Variants in PIK3CB observed in about 807,000 individuals in gnomAD.
The protein encoded by PIK3CB is phosphatidylinositol-4,5-bisphosphate 3-kinase catalytic subunit beta.
PIK3CB carries 39 observed loss-of-function variants against 136.8 expected under a neutral mutation model. That is an observed-to-expected ratio of 0.29 (90% CI 0.22 to 0.37). PIK3CB has a LOEUF of 0.37. Ranked by LOEUF, PIK3CB falls within the 10% of genes least tolerant of loss-of-function variation. PIK3CB has a pLI of 1.00. For synonymous variants in PIK3CB, 428 were observed against 436.6 expected (o/e 0.98, Z 0.25); for missense variants, 868 against 1,275.4 (o/e 0.68, Z 4.87).
chr3:138,768,763 C>T (rs1297630897), intron 2 of PIK3CB, among the ~76,000 whole-genome samples: 1 of 152,208 alleles, frequency 6.6e-6, no homozygotes, highest in African/African-American at 2.4e-5. Context: ...GCTGGCGTGT[C>T]AGCACTACCC....
At position 138,734,618 on chromosome 3, in the gene PIK3CB, C is replaced by A. The variant is rs2108643970; in HGVS notation, c.972+16G>T. 1.3e-6 allele frequency: 2 copies of A among 1,583,580 alleles called. No homozygotes were observed. The highest frequency in any genetic ancestry group is 2.3e-5 in the South Asian group (2 of 88,350). On this transcript the variant is annotated intron_variant, in intron 7 of 23. Coordinates refer to ENST00000674063, the MANE Select transcript of PIK3CB (RefSeq NM_006219.3). The stretch of plus-strand genomic sequence containing the variant: ...ATGGCTTTTGGGGTTACTAAAGGTT[C>A]AGAAATAAAACTTACAGAAATAATT...
intron 8 of PIK3CB, among the ~76,000 whole-genome samples, chr3:138,717,310 G>T (rs1273332484): frequency 4.0e-5 from 6 of 151,216 alleles, no homozygotes; most frequent in African/African-American, 1.5e-4. Context: ...ATTGGTGATT[G>T]TTGTCTCCTC....
At position 138,714,691 on chromosome 3, in the gene PIK3CB, C is replaced by A. The variant is rs2108584500; in HGVS notation, c.1079G>T (p.Gly360Val). 1 of 1,610,582 alleles carries A rather than the reference C, an allele frequency of 6.2e-7. No individual in the cohort carries two copies. The highest frequency in any genetic ancestry group is 8.5e-7 in the Non-Finnish European group (1 of 1,178,612). ...KVHVRAGLFH[G>V]TELLCKTIVS... ...GATGGTTTTACACAGGAGCTCAGTA[C>A]CATGAAAAAGACCAGCCCTGACATG... The change falls in exon 9 of 24, where the codon GGT becomes GTT. Residue 360 changes from glycine (G) to valine (V), a missense_variant. Physicochemically the swap from Gly to Val is moderately radical, Grantham distance 109. Coordinates refer to ENST00000674063, the MANE Select transcript of PIK3CB (RefSeq NM_006219.3).
rs1030274046 is a variant in PIK3CB at position 138,654,871 on chromosome 3, G to T, written c.*518C>A. The T allele has an allele frequency of 9.6e-6, 2 of 209,336 alleles. No individual in the cohort carries two copies. The highest frequency in any genetic ancestry group is 9.7e-6 in the Non-Finnish European group (1 of 103,008). 13.0% of individuals were successfully genotyped at this position (209,336 alleles called of 1,614,324 possible). On this transcript the variant is annotated 3_prime_UTR_variant, in exon 24 of 24. Coordinates refer to ENST00000674063, the MANE Select transcript of PIK3CB (RefSeq NM_006219.3). ...TTAATGAGTATCCACAGGTTTACAA[G>T]ATTTCTTCTGGAAAATAATCATAAA...
chr3:138,693,503 A>G (rs1007241679), intron 14 of PIK3CB, among the ~76,000 whole-genome samples: 96 of 151,946 alleles, frequency 6.3e-4, no homozygotes, highest in African/African-American at 2.1e-3. Context: ...GGTTCAAGTG[A>G]TTCTTCTGCC....
At position 138,655,343 on chromosome 3, in the gene PIK3CB, A is replaced by C; in HGVS notation, c.*46T>G. 5 of 1,597,592 alleles carry C rather than the reference A, an allele frequency of 3.1e-6. No homozygotes were observed. The highest frequency in any genetic ancestry group is 4.3e-6 in the Non-Finnish European group (5 of 1,167,536). On this transcript the variant is annotated 3_prime_UTR_variant, in exon 24 of 24. Transcript: ENST00000674063. ...TTCAATTTAGTGCAAGTGCAAAATG[A>C]AAATGAAATGAAACCAACAAATACA...
At chr3:138,709,049 T>C (rs1166659643) in intron 10 of PIK3CB, among the ~76,000 whole-genome samples, 2 of 151,866 alleles carry the variant, frequency 1.3e-5, no homozygotes, top group Non-Finnish European at 1.5e-5. Flanking sequence ...TCCCAAAGCA[T>C]TGGGATTATA....
At chr3:138,781,303 A>AC (rs2045920777) in intron 2 of PIK3CB, among the ~76,000 whole-genome samples, 1 of 151,744 alleles carries the variant, frequency 6.6e-6, no homozygotes, top group Non-Finnish European at 1.5e-5. Flanking sequence ...AAAAAAAAAA[A>AC]AACAACAAAA....
intron 5 of PIK3CB, 75 bp from the exon 6 acceptor site, chr3:138,737,961 T>G: frequency 2.4e-6 from 2 of 835,546 alleles, no homozygotes; most frequent in South Asian, 4.0e-5. Context: ...ACAATCATTA[T>G]GTAATAATAT....
chr3:138,716,155 T>C (rs147685360), intron 8 of PIK3CB, among the ~76,000 whole-genome samples: 1 of 152,280 alleles, frequency 6.6e-6, no homozygotes, highest in Non-Finnish European at 1.5e-5. Flanking sequence ...TTACAAAGGA[T>C]ACTAAAAGTA....
chr3:138,664,934 C>G, intron 20 of PIK3CB, 102 bp downstream of exon 20: 2 of 671,508 alleles, frequency 3.0e-6, no homozygotes, highest in Non-Finnish European at 4.7e-6. Flanking sequence ...AGATAAAAAA[C>G]ACTAATATTT....
chr3:138,733,080 T>A (rs1018640558), intron 8 of PIK3CB, among the ~76,000 whole-genome samples: 1 of 150,654 alleles, frequency 6.6e-6, no homozygotes, highest in Non-Finnish European at 1.5e-5. Context: ...ATATATTTCT[T>A]CTATATAATA....
intron 8 of PIK3CB, among the ~76,000 whole-genome samples, chr3:138,718,620 G>A (rs1198587087): frequency 2.6e-5 from 4 of 152,258 alleles, no homozygotes; most frequent in Non-Finnish European, 4.4e-5. Context: ...TATTGCCTAG[G>A]TTGTCTTCCA....
chr3:138,681,652 G>C (rs2043784821), intron 19 of PIK3CB, among the ~76,000 whole-genome samples: 1 of 152,104 alleles, frequency 6.6e-6, no homozygotes, highest in African/African-American at 2.4e-5. Flanking sequence ...GACTTTCTCT[G>C]GCCTTGTCAT....
chr3:138,766,162 T>G (rs936308838), intron 2 of PIK3CB, among the ~76,000 whole-genome samples: 36 of 152,302 alleles, frequency 2.4e-4, no homozygotes, highest in African/African-American at 8.4e-4. Context: ...ATGTTATAGG[T>G]GTTTCTGAAA....
At chr3:138,825,896 G>T in intron 1 of PIK3CB, 1 of 1,561,390 alleles carries the variant, frequency 6.4e-7, no homozygotes, top group Non-Finnish European at 8.7e-7. Context: ...GTCTGTCAAA[G>T]ATGTTCATCA....
At chr3:138,655,631 C>T in intron 23 of PIK3CB, 105 bp from the exon 24 acceptor site, 1 of 804,784 alleles carries the variant, frequency 1.2e-6, no homozygotes, top group South Asian at 1.5e-5. Flanking sequence ...CAGCCACCAT[C>T]AGGCAGCATG....
At chr3:138,831,801 T>G (rs934345822) in intron 1 of PIK3CB, among the ~76,000 whole-genome samples, 2 of 152,084 alleles carry the variant, frequency 1.3e-5, no homozygotes, top group African/African-American at 4.8e-5. Context: ...GGTGTGCACC[T>G]GTAGTCCCAA....
intron 4 of PIK3CB, among the ~76,000 whole-genome samples, chr3:138,749,357 C>T (rs186955995): frequency 6.0e-4 from 92 of 152,296 alleles, no homozygotes; most frequent in African/African-American, 2.0e-3. Context: ...CCATCATCAC[C>T]CTTCCTTTGG....
Sources: gnomAD v4.1 joint callset for allele counts (sites outside exome capture counted in the v4.1 genomes callset) on GRCh38, gnomAD v4.1.1 for gene constraint, MANE v1.5 for transcripts, NCBI Gene and HGNC (gene_info 2026-07-23, HGNC 2026-07-21) for gene names.